DPP6: variants seen among roughly 807,000 people sequenced by gnomAD.
The protein encoded by DPP6 is A-type potassium channel modulatory protein DPP6.
A neutral mutation model predicts 122.6 loss-of-function variants in DPP6; 69 were observed. The ratio of observed to expected loss-of-function variants is 0.56; its 90% CI spans 0.46 to 0.69. The LOEUF (loss-of-function observed/expected upper bound fraction) is 0.69, where lower values mean the gene tolerates loss of function less well. Among genes scored for constraint, DPP6 ranks in the 30% least tolerant of loss-of-function variants. DPP6 has a pLI of 0.00. For missense variants in DPP6, 928 were observed against 1,116.9 expected (o/e 0.83, Z 2.41); for synonymous variants, 418 against 433.1 (o/e 0.97, Z 0.43).
chr7:154,240,219 A>G (rs142433694), intron 1 of DPP6, among the ~76,000 whole-genome samples: 1,583 of 152,140 alleles, frequency 0.01, 18 homozygotes, highest in Middle Eastern at 0.031. Flanking sequence ...GTATTTAGCT[A>G]AGTTTATGTC....
At chr7:154,883,896 C>CTG (rs1554495773) in intron 21 of DPP6, 3,751 of 130,872 alleles carry the variant, frequency 0.029, 88 homozygotes, top group Middle Eastern at 0.047. Context: ...TGCTCACACA[C>CTG]ATTACATACA....
Position 154,532,909 on chromosome 7 carries a change from A to C in DPP6, c.458-7623A>C, listed in dbSNP as rs943283280. The stretch of plus-strand genomic sequence containing the variant: ...CTTCTCCCCTAAAGCAGGTCATGCA[A>C]GAATCCTCTGACTTTCTTCTGAAGA... On this transcript the variant is annotated intron_variant, in intron 3 of 25. Coordinates refer to ENST00000377770, the MANE Select transcript of DPP6 (RefSeq NM_130797.4). Among the ~76,000 whole-genome samples the C allele has an allele frequency of 1.7e-4, 26 of 152,200 alleles. 1 individual carries two copies. Among genetic ancestry groups the C allele is most frequent in the Non-Finnish European group, 2.2e-4 (15 of 68,038 alleles).
intron 5 of DPP6, among the ~76,000 whole-genome samples, chr7:154,595,733 A>T (rs1833053042): frequency 1.3e-5 from 2 of 152,246 alleles, no homozygotes. Context: ...GCTGTGCCTC[A>T]CTGTTCTTCA....
intron 1 of DPP6, among the ~76,000 whole-genome samples, chr7:154,062,790 T>C (rs1317918119): frequency 2.9e-5 from 3 of 105,034 alleles, no homozygotes; most frequent in African/African-American, 3.9e-5. Context: ...CCCCACTGGC[T>C]CTTAGGACCC....
intron 1 of DPP6, among the ~76,000 whole-genome samples, chr7:154,116,237 AAATG>A (rs201593544): frequency 6.6e-6 from 1 of 151,944 alleles, no homozygotes; most frequent in South Asian, 2.1e-4. Flanking sequence ...AAGAGTGGTT[AAATG>A]AATGAATGAA....
rs561418880 is a variant in DPP6 at position 154,261,052 on chromosome 7, C to T, written c.244-185162C>T. Among the ~76,000 whole-genome samples, 10 of 152,092 alleles carry T rather than the reference C, an allele frequency of 6.6e-5. No individual in the cohort carries two copies. The South Asian group carries it at 8.3e-4, about 13-fold the overall frequency. On this transcript the variant is annotated intron_variant, in intron 1 of 25. Coordinates refer to ENST00000377770, the MANE Select transcript of DPP6 (RefSeq NM_130797.4). ...TTGGAACTGCAGGCACATGCCACCA[C>T]GCCTGGGTAATTTTTGTATTTTTAG...
At chr7:154,307,329 T>G (rs1052524894) in intron 1 of DPP6, among the ~76,000 whole-genome samples, 8 of 152,160 alleles carry the variant, frequency 5.3e-5, no homozygotes, top group African/African-American at 1.7e-4. Flanking sequence ...GGAGAAGGCT[T>G]AAACTGATAT....
Position 154,761,851 on chromosome 7 carries a change from C to G in DPP6, c.884-7566C>G, listed in dbSNP as rs756727735. ...TCCTAATGCTGTCATCCCCTTCCCC[C>G]ACCCCATGACAGGCCCTGGTGTGTG... On this transcript the variant is annotated intron_variant, in intron 8 of 25. Coordinates refer to ENST00000377770, the MANE Select transcript of DPP6 (RefSeq NM_130797.4). Among the ~76,000 whole-genome samples the G allele has an allele frequency of 1.6e-4, 25 of 152,156 alleles. 1 individual carries two copies. Among genetic ancestry groups the G allele is most frequent in the Non-Finnish European group, 2.9e-4 (20 of 68,026 alleles).
Position 154,321,646 on chromosome 7 carries a change from A to G in DPP6, c.244-124568A>G, listed in dbSNP as rs548927199. 8.5e-4 allele frequency among the ~76,000 whole-genome samples: 129 copies of G among 151,774 alleles called. 1 individual carries two copies. The highest frequency in any genetic ancestry group is 2.8e-3 in the African/African-American group (118 of 41,428). On this transcript the variant is annotated intron_variant, in intron 1 of 25. Transcript: ENST00000377770. Reference sequence around the variant, plus strand: ...AAAATACAAAAAAAATTAGCCGGGCATAGTGGCGGGTGCCTGTAATCCCAG... The same window carrying G: ...AAAATACAAAAAAAATTAGCCGGGCGTAGTGGCGGGTGCCTGTAATCCCAG...
chr7:154,590,349 A>AT (rs890706995), intron 5 of DPP6, among the ~76,000 whole-genome samples: 2 of 151,460 alleles, frequency 1.3e-5, no homozygotes, highest in African/African-American at 2.4e-5. Flanking sequence ...TCTGAAACTT[A>AT]TTTTTTTATG....
the DPP6 span, among the ~76,000 whole-genome samples, chr7:153,860,294 T>A: frequency 1.8e-4 from 28 of 152,304 alleles, no homozygotes; most frequent in Admixed American, 9.2e-4. Context: ...AGGCCCCTCA[T>A]TGTACCCTTC....
At chr7:154,260,782 C>A (rs1366401443) in intron 1 of DPP6, among the ~76,000 whole-genome samples, 1 of 148,574 alleles carries the variant, frequency 6.7e-6, no homozygotes, top group Non-Finnish European at 1.5e-5. Context: ...GTGAATTGTG[C>A]TGCTATAAAC....
chr7:154,883,212 C>T (rs1011049867), intron 21 of DPP6, among the ~76,000 whole-genome samples: 1 of 150,364 alleles, frequency 6.7e-6, no homozygotes, highest in Non-Finnish European at 1.5e-5. Context: ...CATACACACA[C>T]ATGCTCACCC....
chr7:154,253,914 G>T (rs1017913473), intron 1 of DPP6, among the ~76,000 whole-genome samples: 2 of 152,210 alleles, frequency 1.3e-5, no homozygotes, highest in African/African-American at 4.8e-5. Context: ...TTCACATGGT[G>T]GCAGGTGAGA....
At chr7:154,311,354 G>T (rs114590978) in intron 1 of DPP6, among the ~76,000 whole-genome samples, 1 of 152,054 alleles carries the variant, frequency 6.6e-6, no homozygotes, top group African/African-American at 2.4e-5. Context: ...TTATCCAGGC[G>T]TGGTGGTGGC....
chr7:153,888,069 G>C (rs979696144), intron 1 of DPP6, among the ~76,000 whole-genome samples: 9 of 152,172 alleles, frequency 5.9e-5, no homozygotes, highest in African/African-American at 2.2e-4. Context: ...CAGACCCCCA[G>C]GGCTCTTCTG....
At chr7:153,795,537 TCTC>T in the DPP6 span, among the ~76,000 whole-genome samples, 2 of 152,156 alleles carry the variant, frequency 1.3e-5, no homozygotes, top group African/African-American at 4.8e-5. Context: ...TTATGGATCT[TCTC>T]AAAGAACTAG....
chr7:153,971,532 T>G (rs1796014061), intron 1 of DPP6, among the ~76,000 whole-genome samples: 2 of 140,142 alleles, frequency 1.4e-5, no homozygotes, highest in East Asian at 5.0e-4. Context: ...TGTTCAGTAT[T>G]CATCCATTCA....
At chr7:154,748,926 G>A (rs374884066) in intron 8 of DPP6, among the ~76,000 whole-genome samples, 3 of 152,214 alleles carry the variant, frequency 2.0e-5, no homozygotes, top group Non-Finnish European at 4.4e-5. Context: ...TTAAGAGCGC[G>A]ACCCATTCGG....
Sources: gnomAD v4.1 joint callset for allele counts (sites outside exome capture counted in the v4.1 genomes callset) on GRCh38, gnomAD v4.1.1 for gene constraint, MANE v1.5 for transcripts, NCBI Gene and HGNC (gene_info 2026-07-23, HGNC 2026-07-21) for gene names.